The following PALLD variants were observed in gnomAD, a reference collection of about 807,000 sequenced individuals.
PALLD encodes the protein palladin, cytoskeletal associated protein.
A neutral mutation model predicts 123.5 loss-of-function variants in PALLD; 61 were observed. The ratio of observed to expected loss-of-function variants is 0.49; its 90% confidence interval spans 0.40 to 0.61. The LOEUF (loss-of-function observed/expected upper bound fraction) is 0.61. Ranked by LOEUF, PALLD falls within the 20% of genes least tolerant of loss-of-function variation. The pLI, the probability that PALLD is intolerant of heterozygous loss-of-function variation, is 0.00. For missense variants in PALLD, 1,273 were observed against 1,377.0 expected (o/e 0.92, Z 1.20); for synonymous variants, 465 against 496.4 (o/e 0.94, Z 0.84).
intron 2 of PALLD, among the ~76,000 whole-genome samples, chr4:168,617,076 T>A (rs1423236218): frequency 6.6e-6 from 1 of 152,156 alleles, no homozygotes; most frequent in African/African-American, 2.4e-5. Flanking sequence ...AATCGGGGCA[T>A]CATGGCTGGC....
chr4:168,746,383 A>C (rs1163544057), intron 10 of PALLD, among the ~76,000 whole-genome samples: 15 of 107,242 alleles, frequency 1.4e-4, no homozygotes, highest in African/African-American at 7.5e-4. Context: ...CCCGTCTCAA[A>C]AAAAAAAAAA....
chr4:168,740,754 C>T (rs1332538499), intron 10 of PALLD, among the ~76,000 whole-genome samples: 1 of 152,202 alleles, frequency 6.6e-6, no homozygotes, highest in Non-Finnish European at 1.5e-5. Context: ...CACAACTGTA[C>T]TTCTCTTTGA....
At chr4:168,576,349 A>G (rs1769585843) in intron 2 of PALLD, among the ~76,000 whole-genome samples, 11 of 151,922 alleles carry the variant, frequency 7.2e-5, no homozygotes. Context: ...CTCGTCATTT[A>G]ACATTAGGTA....
chr4:168,736,300 A>G (rs757426744), intron 10 of PALLD, among the ~76,000 whole-genome samples: 6 of 152,316 alleles, frequency 3.9e-5, no homozygotes, highest in South Asian at 2.1e-4. Flanking sequence ...ATACACACAC[A>G]CAGTGTGTAT....
chr4:168,638,353 A>G (rs1433654457), intron 2 of PALLD, among the ~76,000 whole-genome samples: 1 of 152,172 alleles, frequency 6.6e-6, no homozygotes, highest in Admixed American at 6.6e-5. Flanking sequence ...AGGGCTCTGA[A>G]GAACTGGGGC....
chr4:168,608,392 A>C (rs1773399174), intron 2 of PALLD, among the ~76,000 whole-genome samples: 1 of 152,176 alleles, frequency 6.6e-6, no homozygotes, highest in Non-Finnish European at 1.5e-5. Context: ...TTCAGGACAT[A>C]TTATAGTGTT....
At chr4:168,816,582 T>C (rs1283683341) in intron 10 of PALLD, among the ~76,000 whole-genome samples, 1 of 151,928 alleles carries the variant, frequency 6.6e-6, no homozygotes, top group Non-Finnish European at 1.5e-5. Flanking sequence ...TTTGGGTTTT[T>C]TTTGGTGGTG....
chr4:168,863,281 T>G (rs543727313), intron 10 of PALLD, among the ~76,000 whole-genome samples: 1 of 152,300 alleles, frequency 6.6e-6, no homozygotes, highest in Admixed American at 6.5e-5. Context: ...CTGGGCCTCA[T>G]GAGTTGGCTT....
In PALLD at chr4:168,580,673, C is replaced by A. The variant is rs368269939; in HGVS notation, c.908+68261C>A. On this transcript the variant is annotated intron_variant, in intron 2 of 21. Coordinates refer to ENST00000505667, the MANE Select transcript of PALLD (RefSeq NM_001166108.2). ...ATTCTACTATAAAGACATATGTATG[C>A]ATATGTTTACTGCAGCACTATTCAC... Among the ~76,000 whole-genome samples, 330 of 152,164 alleles carry A rather than the reference C, an allele frequency of 2.2e-3. 1 individual carries two copies. The highest frequency in any genetic ancestry group is 4.3e-3 in the Admixed American group (65 of 15,272).
In PALLD at chr4:168,732,232, C is replaced by T. The variant is rs565706743; in HGVS notation, c.1964+20309C>T. 2.6e-5 allele frequency among the ~76,000 whole-genome samples: 4 copies of T among 152,272 alleles called. No individual in the cohort carries two copies. The South Asian group carries it at 8.3e-4, about 32-fold the overall frequency. On this transcript the variant is annotated intron_variant, in intron 10 of 21. Coordinates refer to ENST00000505667, the MANE Select transcript of PALLD (RefSeq NM_001166108.2). The stretch of plus-strand genomic sequence containing the variant: ...CAATATCATGTGTACAAAGAGTTTC[C>T]GAAGAACTTGTGGCATATTTCTTGT...
At chr4:168,563,019 G>C (rs1768013466) in intron 2 of PALLD, among the ~76,000 whole-genome samples, 1 of 152,296 alleles carries the variant, frequency 6.6e-6, no homozygotes, top group Non-Finnish European at 1.5e-5. Flanking sequence ...TTTAGAGAGA[G>C]AGCTGGAAGA....
intron 13 of PALLD, chr4:168,897,922 T>C (rs1301807260): frequency 1.3e-5 from 2 of 152,594 alleles, no homozygotes; most frequent in African/African-American, 2.4e-5. Flanking sequence ...GAGGCGGCCC[T>C]TGCAAGGCAG....
Position 168,560,706 on chromosome 4 carries a change from C to T in PALLD, c.908+48294C>T, listed in dbSNP as rs77420638. Among the ~76,000 whole-genome samples, 16 of 152,306 alleles carry T rather than the reference C, an allele frequency of 1.1e-4. No homozygotes were observed. The East Asian group carries it at 2.5e-3, about 24-fold the overall frequency. ...CCCAGTCAGACATGTATTCAACCAA[C>T]ATTTGAGTTCCTAGTAAGTGCCAGG... On this transcript the variant is annotated intron_variant, in intron 2 of 21. Transcript: ENST00000505667.
At chr4:168,507,620 C>T (rs1326162584) in intron 1 of PALLD, 6 of 201,512 alleles carry the variant, frequency 3.0e-5, no homozygotes, top group East Asian at 1.5e-4. Flanking sequence ...TCTCACGGAC[C>T]GCCCTACTGT....
rs975382399 is a variant in PALLD, at chr4:168,866,071, G to A, written c.1965-24851G>A. On this transcript the variant is annotated intron_variant, in intron 10 of 21. Coordinates refer to ENST00000505667, the MANE Select transcript of PALLD (RefSeq NM_001166108.2). ...AAGGTGGGAGGACTGCTTGAGCCTG[G>A]GCAACATAGTAAGACCCTGTCTCTA... Among the ~76,000 whole-genome samples the A allele has an allele frequency of 2.0e-5, 3 of 151,836 alleles. No individual in the cohort carries two copies. The East Asian group carries it at 5.8e-4, about 30-fold the overall frequency.
At chr4:168,603,615 T>C (rs1204687024) in intron 2 of PALLD, among the ~76,000 whole-genome samples, 1 of 152,228 alleles carries the variant, frequency 6.6e-6, no homozygotes. Flanking sequence ...GTTATTTTCA[T>C]AGTAGCCCTC....
Position 168,891,070 on chromosome 4 carries a change from T to C in PALLD, c.2100+13T>C. ...CAATGGCCAGCCGGTACTGATAGAT[T>C]TGGGACCTGGACTTGGAATGTTAGC... On this transcript the variant is annotated intron_variant, in intron 11 of 21. Coordinates refer to ENST00000505667, the MANE Select transcript of PALLD (RefSeq NM_001166108.2). The C allele has an allele frequency of 1.2e-6, 2 of 1,614,008 alleles. No homozygotes were observed. The highest frequency in any genetic ancestry group is 1.3e-5 in the African/African-American group (1 of 75,038).
At position 168,529,438 on chromosome 4, in the gene PALLD, G is replaced by A. The variant is rs566554681; in HGVS notation, c.908+17026G>A. On this transcript the variant is annotated intron_variant, in intron 2 of 21. Coordinates refer to ENST00000505667, the MANE Select transcript of PALLD (RefSeq NM_001166108.2). ...TTAGCGCAAGTGCAGGGAGCCAGGCGAAGGGGGAGAGTGGTACACAATTAA... is the reference window on the plus strand; with the variant it reads ...TTAGCGCAAGTGCAGGGAGCCAGGCAAAGGGGGAGAGTGGTACACAATTAA... Among the ~76,000 whole-genome samples the A allele has an allele frequency of 1.4e-4, 22 of 152,226 alleles. 1 individual carries two copies. The South Asian group carries it at 3.9e-3, about 27-fold the overall frequency.
At chr4:168,693,483 G>C (rs1163146605) in intron 8 of PALLD, among the ~76,000 whole-genome samples, 1 of 152,194 alleles carries the variant, frequency 6.6e-6, no homozygotes, top group East Asian at 1.9e-4. Context: ...GCAAGATATG[G>C]AAGGCCTTCC....
Sources: allele counts gnomAD v4.1 joint callset (sites outside exome capture counted in the v4.1 genomes callset), GRCh38; gene constraint gnomAD v4.1.1; transcripts MANE v1.5; gene names NCBI Gene and HGNC (gene_info 2026-07-23, HGNC 2026-07-21).